The following CNOT10 variants were observed in gnomAD, a reference collection of about 807,000 sequenced individuals.
CNOT10 encodes CCR4-NOT transcription complex, subunit 10.
Under a neutral mutation model 94.6 loss-of-function variants are expected in CNOT10, and 30 were observed. The ratio of observed to expected loss-of-function variants is 0.32; its 90% CI spans 0.24 to 0.43. The LOEUF is 0.43. Ranked by LOEUF, CNOT10 falls within the 20% of genes least tolerant of loss-of-function variation. CNOT10 has a pLI of 1.00. For missense variants in CNOT10, 759 were observed against 877.2 expected (o/e 0.87, Z 1.70); for synonymous variants, 289 against 301.6 (o/e 0.96, Z 0.43).
chr3:32,734,679 A>AAATT, intron 11 of CNOT10, 121 bp from the exon 12 acceptor site: 1 of 796,594 alleles, frequency 1.3e-6, no homozygotes, highest in Middle Eastern at 3.4e-4. Context: ...TTATATTAAA[A>AAATT]TTTCTACCTA....
intron 18 of CNOT10, among the ~76,000 whole-genome samples, chr3:32,772,050 A>T (rs940019407): frequency 6.6e-5 from 10 of 152,170 alleles, no homozygotes; most frequent in African/African-American, 2.4e-4. Context: ...AATGAGAGAG[A>T]TTAGAAGGGA....
rs746376010 is a variant in CNOT10 at position 32,734,851 on chromosome 3, A to G, written c.1389A>G (p.Ile463Met). Residue 463 changes from isoleucine (I) to methionine (M), a missense_variant, in exon 12 of 19, where the codon ATA becomes ATG. Around this residue, in one of 3 missense-constraint regions of CNOT10, gnomAD observed 682 missense variants for 799.4 expected, o/e 0.85. Coordinates refer to ENST00000328834, the MANE Select transcript of CNOT10 (RefSeq NM_015442.3). ...TAGCCAGTATGGAGTTTGCAGCCAT[A>G]TGTCTCAGAAATGCCTTGTTGCTGC... is the stretch of plus-strand genomic sequence containing the variant. Reference protein sequence around the residue: ...IPVASMEFAAICLRNALLLLP... With the variant: ...IPVASMEFAAMCLRNALLLLP... 7.4e-6 allele frequency: 12 copies of G among 1,614,064 alleles called. No individual in the cohort carries two copies. Among genetic ancestry groups the G allele is most frequent in the Non-Finnish European group, 1.0e-5 (12 of 1,179,978 alleles).
At chr3:32,748,605 C>T (rs529101467) in intron 13 of CNOT10, among the ~76,000 whole-genome samples, 2 of 151,576 alleles carry the variant, frequency 1.3e-5, no homozygotes, top group African/African-American at 4.8e-5. Flanking sequence ...CCCTGCCTTC[C>T]GGGTTCAAAT....
At chr3:32,693,200 G>GT (rs915195084) in intron 1 of CNOT10, among the ~76,000 whole-genome samples, 11 of 151,782 alleles carry the variant, frequency 7.2e-5, no homozygotes, top group African/African-American at 1.7e-4. Flanking sequence ...ATTTAAAGTG[G>GT]TTTTTTTTCT....
intron 8 of CNOT10, among the ~76,000 whole-genome samples, chr3:32,724,562 G>A (rs1205731322): frequency 2.6e-5 from 4 of 150,954 alleles, no homozygotes; most frequent in African/African-American, 4.9e-5. Context: ...ACACGCGCCC[G>A]CCACCACGCC....
chr3:32,710,289 A>T (rs74641160), intron 4 of CNOT10, among the ~76,000 whole-genome samples: 5,901 of 143,216 alleles, frequency 0.041, 182 homozygotes, highest in Middle Eastern at 0.085. Context: ...TTTTTTTTTT[A>T]AACTTTTACT....
Position 32,770,055 on chromosome 3 carries a change from G to T in CNOT10, c.2080+93G>T. On this transcript the variant is annotated intron_variant, in intron 18 of 18. Transcript: ENST00000328834. ...GGGTCTCACTGTGTTGCCCAGGCTGGAGTGCAGTGGTACCATCAGAGCTCA... is the reference window on the plus strand; with the variant it reads ...GGGTCTCACTGTGTTGCCCAGGCTGTAGTGCAGTGGTACCATCAGAGCTCA... The T allele has an allele frequency of 3.3e-6, 3 of 921,126 alleles. No individual in the cohort carries two copies. The South Asian group carries it at 4.0e-5, about 12-fold the overall frequency. 57.1% of individuals were successfully genotyped at this position (921,126 alleles called of 1,614,324 possible).
chr3:32,745,884 G>C (rs962188118), intron 13 of CNOT10, among the ~76,000 whole-genome samples: 1 of 152,234 alleles, frequency 6.6e-6, no homozygotes, highest in South Asian at 2.1e-4. Flanking sequence ...CCAGCTGCTC[G>C]GGAGGCTGAG....
chr3:32,749,410 T>A lies in CNOT10; in HGVS notation c.1596-10048T>A, dbSNP rs1353153506. 7.4e-5 allele frequency among the ~76,000 whole-genome samples: 11 copies of A among 148,966 alleles called. No individual in the cohort carries two copies. In the South Asian group the frequency reaches 2.4e-3, roughly 32 times the overall value. On this transcript the variant is annotated intron_variant, in intron 13 of 18. Coordinates refer to ENST00000328834, the MANE Select transcript of CNOT10 (RefSeq NM_015442.3). ...CTTTGATCCATGTTGAGTTAATTTTTTTTTTTTTTTTTTTTTGAGACTGAG... is the reference window on the plus strand; with the variant it reads ...CTTTGATCCATGTTGAGTTAATTTTATTTTTTTTTTTTTTTTGAGACTGAG...
At chr3:32,704,061 A>G in intron 2 of CNOT10, 99 bp downstream of exon 2, 1 of 670,460 alleles carries the variant, frequency 1.5e-6, no homozygotes, top group South Asian at 2.2e-5. Context: ...TTACTCTGTA[A>G]TAATTCAAAA....
At chr3:32,689,363 AAAAAAG>A (rs1168782826) in intron 1 of CNOT10, among the ~76,000 whole-genome samples, 3 of 151,888 alleles carry the variant, frequency 2.0e-5, no homozygotes, top group African/African-American at 7.3e-5. Flanking sequence ...CAAAAAAAAA[AAAAAAG>A]AAAAAGAAAA....
rs565954057 is a variant in CNOT10, at chr3:32,703,592, G to A, written c.23-276G>A. On this transcript the variant is annotated intron_variant, in intron 1 of 18. Transcript: ENST00000328834. ...ACCAAGATGGCTACTGTGTGTCCAA[G>A]GGGGAGGTATCTTATACAACATGGA... Among the ~76,000 whole-genome samples the A allele has an allele frequency of 1.3e-4, 20 of 152,312 alleles. No individual in the cohort carries two copies. The South Asian group carries it at 4.1e-3, about 32-fold the overall frequency.
chr3:32,754,454 G>A (rs1480345236), intron 13 of CNOT10, among the ~76,000 whole-genome samples: 1 of 109,758 alleles, frequency 9.1e-6, no homozygotes, highest in African/African-American at 3.7e-5. Context: ...TCCAGCCTGG[G>A]CGACAGAGCA....
chr3:32,772,298 G>A (rs1163542570), intron 18 of CNOT10, among the ~76,000 whole-genome samples: 1 of 151,766 alleles, frequency 6.6e-6, no homozygotes, highest in African/African-American at 2.4e-5. Flanking sequence ...GCACTGAGCC[G>A]AGATCGTGCC....
At chr3:32,691,144 C>T (rs909382537) in intron 1 of CNOT10, among the ~76,000 whole-genome samples, 11 of 146,992 alleles carry the variant, frequency 7.5e-5, no homozygotes, top group African/African-American at 2.5e-4. Flanking sequence ...TGCAGGCACA[C>T]GCTACCACAG....
At chr3:32,735,708 T>A (rs1699158766) in intron 12 of CNOT10, among the ~76,000 whole-genome samples, 1 of 152,116 alleles carries the variant, frequency 6.6e-6, no homozygotes, top group South Asian at 2.1e-4. Context: ...AGACTCCATC[T>A]CAAAAAAACA....
chr3:32,695,804 G>A (rs1287306908), intron 1 of CNOT10: 1 of 1,535,704 alleles, frequency 6.5e-7, no homozygotes, highest in South Asian at 1.2e-5. Flanking sequence ...GAAATGCTGT[G>A]GGATTATGTG....
At chr3:32,747,740 G>A (rs1699763461) in intron 13 of CNOT10, among the ~76,000 whole-genome samples, 1 of 152,188 alleles carries the variant, frequency 6.6e-6, no homozygotes, top group Non-Finnish European at 1.5e-5. Flanking sequence ...ACGAGGTCAA[G>A]AGATGGAGAC....
At chr3:32,743,428 G>A (rs959858536) in intron 13 of CNOT10, among the ~76,000 whole-genome samples, 13 of 151,988 alleles carry the variant, frequency 8.6e-5, no homozygotes, top group Admixed American at 2.6e-4. Context: ...TCAAGAGTTC[G>A]AGATCAGCCT....
Sources: allele counts gnomAD v4.1 joint callset (sites outside exome capture counted in the v4.1 genomes callset), GRCh38; gene constraint gnomAD v4.1.1; regional missense constraint gnomAD v4.1.1; transcripts MANE v1.5; gene names NCBI Gene and HGNC (gene_info 2026-07-23, HGNC 2026-07-21).